Variants in EEF2K observed in about 807,000 individuals in gnomAD.
EEF2K encodes the protein eukaryotic elongation factor 2 kinase.
Under a neutral mutation model 93.8 loss-of-function variants are expected in EEF2K, and 70 were observed. That is an observed-to-expected ratio of 0.75 (90% CI 0.62 to 0.91). The LOEUF is 0.91. Among genes scored for constraint, EEF2K ranks in the 40% least tolerant of loss-of-function variants. EEF2K has a pLI of 0.00. For synonymous variants in EEF2K, 376 were observed against 380.8 expected, an observed-to-expected ratio of 0.99 and a Z score of 0.15; for missense variants, 935 against 972.9, an observed-to-expected ratio of 0.96 and a Z score of 0.52.
intron 3 of EEF2K, 82 bp from the exon 4 acceptor site, chr16:22,248,673 C>T (rs1183547423): frequency 1.3e-5 from 20 of 1,556,020 alleles, no homozygotes; most frequent in Non-Finnish European, 1.7e-5. Context: ...GTGGGGAGCC[C>T]AGAAGGGTCT....
chr16:22,246,079 G>A (rs564968763), intron 3 of EEF2K, among the ~76,000 whole-genome samples: 13 of 152,140 alleles, frequency 8.5e-5, no homozygotes, highest in East Asian at 3.9e-4. Context: ...TCGCAAGCCC[G>A]AAGTGGTTTC....
At chr16:22,247,037 C>CA (rs57073413) in intron 3 of EEF2K, among the ~76,000 whole-genome samples, 2,123 of 13,672 alleles carry the variant, frequency 0.16, 608 homozygotes, top group Non-Finnish European at 0.25. Context: ...GACTCCATCT[C>CA]AAAAAAAAAA....
chr16:22,274,031 C>T (rs1050220923), intron 16 of EEF2K, among the ~76,000 whole-genome samples: 5 of 152,140 alleles, frequency 3.3e-5, no homozygotes, highest in Non-Finnish European at 5.9e-5. Flanking sequence ...TATGGCTGGG[C>T]GCGGTGGCTC....
Position 22,256,869 on chromosome 16 carries a change from G to A in EEF2K, c.740G>A (p.Arg247His), listed in dbSNP as rs574100448. Residue 247 changes from arginine (R) to histidine (H), a missense_variant, in exon 7 of 18, where the codon CGC becomes CAC. Transcript: ENST00000263026. Reference sequence around the variant, plus strand: ...TACAACTCCAACTCTGGCTTTGTCCGCGATGACAACATCCGCCTGACGCCG... The same window carrying A: ...TACAACTCCAACTCTGGCTTTGTCCACGATGACAACATCCGCCTGACGCCG... ...IKYNSNSGFV[R>H]DDNIRLTPQA... 2.3e-5 allele frequency: 37 copies of A among 1,614,014 alleles called. No individual in the cohort carries two copies. The highest frequency in any genetic ancestry group is 1.5e-4 in the Admixed American group (9 of 60,004).
At chr16:22,278,314 G>A (rs1330301965) in intron 16 of EEF2K, among the ~76,000 whole-genome samples, 1 of 152,144 alleles carries the variant, frequency 6.6e-6, no homozygotes, top group Non-Finnish European at 1.5e-5. Context: ...AACCATCAAA[G>A]CCCAATCACC....
At chr16:22,209,167 G>A (rs1243519335) in intron 1 of EEF2K, among the ~76,000 whole-genome samples, 2 of 152,124 alleles carry the variant, frequency 1.3e-5, no homozygotes, top group Non-Finnish European at 1.5e-5. Context: ...TATGAGCTGG[G>A]ACTACAGGCA....
chr16:22,267,938 A>ACATCCTCCCATCTGTTCC (rs1477274583), intron 15 of EEF2K, among the ~76,000 whole-genome samples: 26 of 152,276 alleles, frequency 1.7e-4, no homozygotes, highest in African/African-American at 6.0e-4. Context: ...CTTGGCGGGC[A>ACATCCTCCCATCTGTTCC]CATCCTCCCA....
chr16:22,265,583 C>T (rs2047508947), intron 13 of EEF2K, among the ~76,000 whole-genome samples: 1 of 152,190 alleles, frequency 6.6e-6, no homozygotes, highest in Non-Finnish European at 1.5e-5. Context: ...TATTTTGTAG[C>T]CAGATTAGGA....
intron 13 of EEF2K, among the ~76,000 whole-genome samples, 169 bp from the exon 14 acceptor site, chr16:22,266,221 C>CAAA (rs371101977): frequency 1.6e-5 from 2 of 123,150 alleles, no homozygotes; most frequent in African/African-American, 3.1e-5. Flanking sequence ...GACTCTGTCT[C>CAAA]AAAAAAAAAA....
At position 22,286,180 on chromosome 16, in the gene EEF2K, T is replaced by G. The variant is rs2047751313; in HGVS notation, c.*2184T>G. On this transcript the variant is annotated 3_prime_UTR_variant, in exon 18 of 18. Transcript: ENST00000263026. ...ATCATAGCCAGTTTTCCTTTTGAAG[T>G]TGGAACTGATCACCCTTTTGTCATC... 1 of 152,236 alleles carries G rather than the reference T, an allele frequency of 6.6e-6. No individual in the cohort carries two copies. The highest frequency in any genetic ancestry group is 6.5e-5 in the Admixed American group (1 of 15,282). The allele number at this position is 152,236 out of a possible 1,614,324, so 9.4% of individuals were successfully genotyped here.
intron 4 of EEF2K, 79 bp downstream of exon 4, chr16:22,248,894 T>TCTCCCA (rs1038765457): frequency 1.8e-5 from 25 of 1,385,466 alleles, no homozygotes; most frequent in Admixed American, 1.6e-4. Context: ...TGCACCCTTC[T>TCTCCCA]CTCCCACTCC....
intron 1 of EEF2K, among the ~76,000 whole-genome samples, chr16:22,218,936 T>TAAAAAAA (rs11370005): frequency 8.9e-6 from 1 of 111,978 alleles, no homozygotes; most frequent in African/African-American, 3.1e-5. Flanking sequence ...ACAAAAAAAT[T>TAAAAAAA]AAAAAAAAAA....
chr16:22,260,559 T>C (rs2047452920), intron 11 of EEF2K, 30 bp downstream of exon 11: 3 of 1,613,606 alleles, frequency 1.9e-6, no homozygotes, highest in Non-Finnish European at 2.5e-6. Context: ...GGCTGCAGGC[T>C]TCAGACCCCA....
At chr16:22,233,201 G>A (rs575811951) in intron 2 of EEF2K, among the ~76,000 whole-genome samples, 24 of 152,224 alleles carry the variant, frequency 1.6e-4, no homozygotes, top group South Asian at 1.0e-3. Context: ...AAACTCGCAC[G>A]TACACATACA....
Position 22,225,817 on chromosome 16 carries a change from G to T in EEF2K, c.88G>T (p.Asp30Tyr). ...TGGCCATGATGGTGATTCTGATGGG[G>T]ACAGCGACGATGAGGAAGGTTACTT... ...RAGHDGDSDG[D>Y]SDDEEGYFIC... Residue 30 changes from aspartate (D) to tyrosine (Y), a missense_variant, in exon 2 of 18, where the codon GAC becomes TAC. Physicochemically the swap from Asp to Tyr is radical, Grantham distance 160. Transcript: ENST00000263026. The T allele has an allele frequency of 3.1e-6, 5 of 1,614,238 alleles. No individual in the cohort carries two copies. Among genetic ancestry groups the T allele is most frequent in the Non-Finnish European group, 4.2e-6 (5 of 1,180,044 alleles).
At chr16:22,256,454 C>T (rs915968491) in intron 6 of EEF2K, among the ~76,000 whole-genome samples, 39 of 152,214 alleles carry the variant, frequency 2.6e-4, no homozygotes, top group Non-Finnish European at 4.6e-4. Flanking sequence ...AGGCTGGTCT[C>T]GAACTCCTAA....
intron 6 of EEF2K, among the ~76,000 whole-genome samples, chr16:22,256,384 C>T (rs2047399075): frequency 1.3e-5 from 2 of 152,036 alleles, no homozygotes; most frequent in Admixed American, 6.6e-5. Flanking sequence ...AGGTGTGAGC[C>T]ACCATGCCCA....
chr16:22,276,300 G>A (rs746310200), intron 16 of EEF2K, among the ~76,000 whole-genome samples: 25 of 152,076 alleles, frequency 1.6e-4, no homozygotes, highest in Non-Finnish European at 2.8e-4. Context: ...ATAGATAGAG[G>A]GAGGGCACAG....
intron 16 of EEF2K, among the ~76,000 whole-genome samples, chr16:22,277,161 C>T (rs1365879260): frequency 6.6e-6 from 1 of 152,158 alleles, no homozygotes; most frequent in Non-Finnish European, 1.5e-5. Flanking sequence ...ATTTGAGACA[C>T]AATCTTGCTC....
Sources: gnomAD v4.1 joint callset for allele counts (sites outside exome capture counted in the v4.1 genomes callset) on GRCh38, gnomAD v4.1.1 for gene constraint, MANE v1.5 for transcripts, NCBI Gene and HGNC (gene_info 2026-07-23, HGNC 2026-07-21) for gene names.